The following CTNNA2 variants were observed in gnomAD, a reference collection of about 807,000 sequenced individuals.
CTNNA2 encodes catenin alpha 2, also known as catenin alpha-2.
CTNNA2 carries 42 observed loss-of-function variants against 101.0 expected under a neutral mutation model. The ratio of observed to expected loss-of-function variants is 0.42; its 90% CI spans 0.32 to 0.54. The LOEUF is 0.54. Among genes scored for constraint, CTNNA2 ranks in the 20% least tolerant of loss-of-function variants. The probability of loss-of-function intolerance (pLI) is 0.14; values close to 1 mark genes in which losing one functional copy is unlikely to be tolerated. For missense variants in CTNNA2, 871 were observed against 1,223.1 expected (o/e 0.71, Z 4.29); for synonymous variants, 450 against 456.4 (o/e 0.99, Z 0.18).
chr2:80,515,301 T>C (rs568521843), intron 9 of CTNNA2, among the ~76,000 whole-genome samples: 2 of 152,242 alleles, frequency 1.3e-5, no homozygotes, highest in African/African-American at 4.8e-5. Flanking sequence ...GATGGAAATT[T>C]CTCTTTCTGT....
intron 9 of CTNNA2, among the ~76,000 whole-genome samples, chr2:80,507,019 G>A (rs532903662): frequency 2.6e-5 from 4 of 152,116 alleles, no homozygotes; most frequent in East Asian, 1.9e-4. Flanking sequence ...TTCAGTATAC[G>A]TTAGTGATTA....
chr2:80,629,985 C>A (rs948746365), intron 18 of CTNNA2, among the ~76,000 whole-genome samples: 35 of 152,234 alleles, frequency 2.3e-4, no homozygotes, highest in Non-Finnish European at 4.9e-4. Flanking sequence ...ATTTAGCTGC[C>A]AACCTCGTTT....
At chr2:79,417,418 A>G (rs1221232827) in intron 4 of CTNNA2, among the ~76,000 whole-genome samples, 1 of 152,162 alleles carries the variant, frequency 6.6e-6, no homozygotes, top group Non-Finnish European at 1.5e-5. Flanking sequence ...TGCTTAAGAC[A>G]ATTGAGACAA....
chr2:79,245,534 G>A (rs768507646), intron 2 of CTNNA2, among the ~76,000 whole-genome samples: 9 of 152,168 alleles, frequency 5.9e-5, no homozygotes, highest in Non-Finnish European at 8.8e-5. Context: ...TCCCAAGGAT[G>A]GGCCTGGACC....
At chr2:80,203,837 C>T (rs1295910971) in intron 7 of CTNNA2, among the ~76,000 whole-genome samples, 1 of 152,202 alleles carries the variant, frequency 6.6e-6, no homozygotes, top group African/African-American at 2.4e-5. Context: ...TATGAGGGTC[C>T]CACCCCTGCA....
chr2:80,647,956 C>T lies in CTNNA2; in HGVS notation c.*84C>T. ...AATTCCATTTTTGTATGCATACCTGCCAGCTCGTATGCCTCTGGCATGGGG... is the reference window on the plus strand; with the variant it reads ...AATTCCATTTTTGTATGCATACCTGTCAGCTCGTATGCCTCTGGCATGGGG... On this transcript the variant is annotated 3_prime_UTR_variant, in exon 19 of 19. Coordinates refer to ENST00000402739, the MANE Select transcript of CTNNA2 (RefSeq NM_001282597.3). 1.5e-6 allele frequency: 2 copies of T among 1,332,312 alleles called. No individual in the cohort carries two copies. The highest frequency in any genetic ancestry group is 1.0e-6 in the Non-Finnish European group (1 of 978,520). 82.5% of individuals were successfully genotyped at this position (1,332,312 alleles called of 1,614,324 possible). A position where few individuals can be genotyped will look rare whatever the true frequency, so the allele number is the denominator to read the frequency against.
At chr2:79,606,592 A>G (rs992031342) in intron 1 of CTNNA2, among the ~76,000 whole-genome samples, 9 of 151,636 alleles carry the variant, frequency 5.9e-5, no homozygotes, top group Non-Finnish European at 1.5e-5. Context: ...AAACAAAAAT[A>G]ATAACATCAT....
At chr2:79,309,005 A>G (rs1676307893) in intron 2 of CTNNA2, among the ~76,000 whole-genome samples, 1 of 151,968 alleles carries the variant, frequency 6.6e-6, no homozygotes, top group Non-Finnish European at 1.5e-5. Flanking sequence ...CTGCTGCCCT[A>G]TATTGTCTCC....
intron 7 of CTNNA2, among the ~76,000 whole-genome samples, chr2:79,943,173 C>T (rs760761710): frequency 5.3e-5 from 8 of 151,968 alleles, no homozygotes; most frequent in Non-Finnish European, 1.2e-4. Context: ...GCCGAAATCA[C>T]GCAATTGTAT....
chr2:79,914,033 G>A (rs1325283849), intron 7 of CTNNA2, among the ~76,000 whole-genome samples: 1 of 150,750 alleles, frequency 6.6e-6, no homozygotes, highest in Non-Finnish European at 1.5e-5. Context: ...CGGGCGTAGT[G>A]GCGGGCGCCT....
intron 7 of CTNNA2, among the ~76,000 whole-genome samples, chr2:80,332,014 G>T (rs925209955): frequency 3.3e-5 from 5 of 152,156 alleles, no homozygotes; most frequent in Non-Finnish European, 7.3e-5. Flanking sequence ...TAAGGTTTCT[G>T]TTGGACAGGA....
In CTNNA2 at chr2:79,856,571, T is replaced by A. The variant is rs148444042; in HGVS notation, c.299-1442T>A. ...TTATACCCCTGTGTACACTCTGCTA[T>A]ATGAAGCTCCATTTATGGTTTCTCA... On this transcript the variant is annotated intron_variant, in intron 3 of 18. Coordinates refer to ENST00000402739, the MANE Select transcript of CTNNA2 (RefSeq NM_001282597.3). Among the ~76,000 whole-genome samples the A allele has an allele frequency of 2.5e-3, 375 of 152,344 alleles. 4 individuals carry two copies. The highest frequency in any genetic ancestry group is 8.8e-3 in the African/African-American group (367 of 41,578).
At chr2:80,004,253 C>T (rs192740978) in intron 7 of CTNNA2, among the ~76,000 whole-genome samples, 14 of 152,110 alleles carry the variant, frequency 9.2e-5, no homozygotes, top group Non-Finnish European at 1.6e-4. Flanking sequence ...ATATTCCTTG[C>T]AGACTTTGTT....
chr2:80,093,895 C>A (rs1241314652), intron 7 of CTNNA2, among the ~76,000 whole-genome samples: 2 of 151,936 alleles, frequency 1.3e-5, no homozygotes, highest in African/African-American at 4.8e-5. Context: ...ATTGTAGATT[C>A]TGGATATTAG....
chr2:80,155,327 T>C (rs1030622515), intron 7 of CTNNA2, among the ~76,000 whole-genome samples: 2 of 152,220 alleles, frequency 1.3e-5, no homozygotes, highest in Non-Finnish European at 2.9e-5. Flanking sequence ...TCAGAAGGAA[T>C]GTAAGTCGCT....
rs190844664 is a variant in CTNNA2, at chr2:79,658,816, C to G, written c.102+7158C>G. Among the ~76,000 whole-genome samples, 45 of 152,106 alleles carry G rather than the reference C, an allele frequency of 3.0e-4. 1 individual carries two copies. In the East Asian group the frequency reaches 8.7e-3, roughly 29 times the overall value. On this transcript the variant is annotated intron_variant, in intron 2 of 18. Coordinates refer to ENST00000402739, the MANE Select transcript of CTNNA2 (RefSeq NM_001282597.3). ...GGAACCTCCTAAGAAGAGGAGCTCT[C>G]TTTAATCATTTCCAGTATTATTTTG...
chr2:80,105,806 C>T (rs1418990260), intron 7 of CTNNA2, among the ~76,000 whole-genome samples: 1 of 152,006 alleles, frequency 6.6e-6, no homozygotes, highest in Non-Finnish European at 1.5e-5. Flanking sequence ...TTTATGAGAC[C>T]CCTAGTTCTG....
At position 80,574,093 on chromosome 2, in the gene CTNNA2, G is replaced by A. The variant is rs762671795; in HGVS notation, c.1742-70G>A. On this transcript the variant is annotated intron_variant, in intron 12 of 18. Transcript: ENST00000402739. ...AGAATGCCCGAGGACCTGCCACTTC[G>A]CCCAAGAGCTGGAATAAGAGGTAGT... The A allele has an allele frequency of 7.0e-5, 107 of 1,519,776 alleles. No individual in the cohort carries two copies. The East Asian group carries it at 7.1e-4, about 10-fold the overall frequency. The allele number at this position is 1,519,776 out of a possible 1,614,324, so 94.1% of individuals were successfully genotyped here.
At chr2:79,804,616 G>C (rs1676422149) in intron 3 of CTNNA2, among the ~76,000 whole-genome samples, 5 of 152,010 alleles carry the variant, frequency 3.3e-5, no homozygotes. Context: ...TGAAATGTGA[G>C]CATAGATTAT....
Sources: gnomAD v4.1 joint callset for allele counts (sites outside exome capture counted in the v4.1 genomes callset) on GRCh38, gnomAD v4.1.1 for gene constraint, MANE v1.5 for transcripts, NCBI Gene and HGNC (gene_info 2026-07-23, HGNC 2026-07-21) for gene names.